Variants in VPS13C observed in about 807,000 individuals in gnomAD.
VPS13C encodes the protein intermembrane lipid transfer protein VPS13C.
In VPS13C, 358 loss-of-function variants were observed where a neutral mutation model predicts 456.8. The observed-to-expected ratio is 0.78, with a 90% CI of 0.72 to 0.86. The LOEUF is 0.86. VPS13C is among the 40% of genes least tolerant of loss of function. VPS13C has a pLI of 0.00. For synonymous variants in VPS13C, 1,578 were observed against 1,486.7 expected, an observed-to-expected ratio of 1.06 and a Z score of -1.41; for missense variants, 4,818 against 4,385.4, an observed-to-expected ratio of 1.10 and a Z score of -2.79.
intron 9 of VPS13C, among the ~76,000 whole-genome samples, chr15:62,015,901 T>G (rs2047224745): frequency 1.6e-5 from 2 of 127,718 alleles, no homozygotes; most frequent in Non-Finnish European, 3.2e-5. Flanking sequence ...ACCTGCACAA[T>G]GTGCACATGT....
intron 1 of VPS13C, among the ~76,000 whole-genome samples, chr15:62,058,937 AAAAAC>A (rs1385003744): frequency 0.013 from 1,926 of 152,028 alleles, 31 homozygotes; most frequent in African/African-American, 0.04. Flanking sequence ...GCCAAAAAAA[AAAAAC>A]AACAACAACA....
At chr15:61,866,328 T>C (rs1894589002) in intron 81 of VPS13C, 1 of 983,564 alleles carries the variant, frequency 1.0e-6, no homozygotes. Flanking sequence ...AGATTATATG[T>C]TCAGACAAAA....
At chr15:61,964,218 A>C (rs1256200105) in intron 31 of VPS13C, among the ~76,000 whole-genome samples, 1 of 152,088 alleles carries the variant, frequency 6.6e-6, no homozygotes, top group African/African-American at 2.4e-5. Context: ...AAAGTTAAAT[A>C]ATGTGTCTAA....
chr15:62,033,482 A>G lies in VPS13C; in HGVS notation c.344T>C (p.Leu115Pro). The G allele has an allele frequency of 1.2e-6, 2 of 1,607,768 alleles. No homozygotes were observed. Among genetic ancestry groups the G allele is most frequent in the South Asian group, 1.1e-5 (1 of 90,240 alleles). Residue 115 changes from leucine to proline, a missense_variant, in exon 5 of 85, where the codon CTA (leucine) becomes CCA (proline). This residue lies in a region of VPS13C where 4,552 missense variants were observed against 4,130.6 expected (regional missense o/e 1.10). Transcript: ENST00000644861. ...TTGAAGGGCTTCTTCAATTCGGGAT[A>G]GCTCTTTCTGTTTAACATCCTGCAA... ...KSLQDVKQKE[L>P]SRIEEALQKA... is the part of the protein sequence containing the mutation.
chr15:61,999,194 T>C (rs2046506386), intron 16 of VPS13C, among the ~76,000 whole-genome samples: 2 of 151,882 alleles, frequency 1.3e-5, no homozygotes, highest in African/African-American at 4.8e-5. Context: ...GCCTGGCCAA[T>C]GTGGTGAAAC....
rs765307232 is a variant in VPS13C, at chr15:61,880,888, A to T, written c.9843T>A (p.Ile3281=). The change falls in exon 72 of 85, where the codon ATT becomes ATA. Residue 3281 remains isoleucine (I), a synonymous_variant. Coordinates refer to ENST00000644861, the MANE Select transcript of VPS13C (RefSeq NM_020821.3). The part of the protein sequence containing the change: ...KIDQGFLGAI[I]ALFTPTTDPE... ...GGTCTGTTGTTGGGGTAAACAGTGC[A>T]ATAATAGCTCCTAGAAACCCTTGAT... is the stretch of plus-strand genomic sequence containing the variant. 1.9e-6 allele frequency: 3 copies of T among 1,610,880 alleles called. No individual in the cohort carries two copies. Among genetic ancestry groups the T allele is most frequent in the Admixed American group, 1.7e-5 (1 of 59,664 alleles).
In VPS13C at chr15:61,913,432, A is replaced by G; in HGVS notation, c.8446-17T>C. On this transcript the variant is annotated splice_polypyrimidine_tract_variant and intron_variant, in intron 61 of 84. Coordinates refer to ENST00000644861, the MANE Select transcript of VPS13C (RefSeq NM_020821.3). The stretch of plus-strand genomic sequence containing the variant: ...TAATTGTACCTATACCAGAGAGCAC[A>G]TATCGTCATATAAGAAATCTAAAAC... 3.2e-6 allele frequency: 5 copies of G among 1,585,352 alleles called. No homozygotes were observed. Among genetic ancestry groups the G allele is most frequent in the South Asian group, 1.1e-5 (1 of 89,620 alleles).
At position 61,991,540 on chromosome 15, in the gene VPS13C, G is replaced by T. The variant is rs115087807; in HGVS notation, c.1483+133C>A. ...AGGAATATTCCAGCCTGATGTATTT[G>T]CTTATATATTTACTATACTGAGGTA... On this transcript the variant is annotated intron_variant, in intron 17 of 84. Coordinates refer to ENST00000644861, the MANE Select transcript of VPS13C (RefSeq NM_020821.3). 2.9e-3 allele frequency: 2,642 copies of T among 910,416 alleles called. 61 individuals carry two copies. The African/African-American group carries it at 0.042, about 14-fold the overall frequency. The allele number at this position is 910,416 out of a possible 1,614,324, so 56.4% of individuals were successfully genotyped here.
At chr15:61,954,881 G>A (rs980006906) in intron 37 of VPS13C, among the ~76,000 whole-genome samples, 1 of 152,138 alleles carries the variant, frequency 6.6e-6, no homozygotes, top group South Asian at 2.1e-4. Context: ...TATTCAAGTA[G>A]AGCAAAGGAC....
chr15:61,942,040 T>C lies in VPS13C; in HGVS notation c.5176A>G (p.Lys1726Glu). The change falls in exon 46 of 85, where the codon AAA becomes GAA. Residue 1726 changes from lysine (K) to glutamate (E), a missense_variant. By Grantham distance (56) the Lys-to-Glu change is moderately conservative. Around this residue, in one of 3 missense-constraint regions of VPS13C, gnomAD observed 4,552 missense variants for 4,130.6 expected, o/e 1.10. Transcript: ENST00000644861. The part of the protein sequence containing the change: ...LNFLNNFQTA[K>E]EALSTATVQA... ...ACTGTGGCTGTACTCAAAGCTTCTT[T>C]AGCAGTTTGGAAATTGTTGAGGAAG... 1.3e-6 allele frequency: 2 copies of C among 1,592,298 alleles called. No individual in the cohort carries two copies. Among genetic ancestry groups the C allele is most frequent in the East Asian group, 2.2e-5 (1 of 44,672 alleles).
intron 56 of VPS13C, 52 bp downstream of exon 56, chr15:61,920,446 T>C (rs769831055): frequency 1.3e-6 from 2 of 1,489,002 alleles, no homozygotes; most frequent in Non-Finnish European, 1.8e-6. Flanking sequence ...AAAAATTATA[T>C]GTTTCATTTT....
At chr15:62,053,510 A>G (rs1169605476) in intron 1 of VPS13C, among the ~76,000 whole-genome samples, 2 of 152,206 alleles carry the variant, frequency 1.3e-5, no homozygotes, top group African/African-American at 4.8e-5. Context: ...ACATTATTTA[A>G]CTACCTTTTC....
In VPS13C at chr15:61,952,601, C is replaced by G. The variant is rs1349979737; in HGVS notation, c.4300-621G>C. 2.6e-5 allele frequency among the ~76,000 whole-genome samples: 4 copies of G among 152,074 alleles called. No homozygotes were observed. In the East Asian group the frequency reaches 5.8e-4, roughly 22 times the overall value. On this transcript the variant is annotated intron_variant, in intron 38 of 84. Coordinates refer to ENST00000644861, the MANE Select transcript of VPS13C (RefSeq NM_020821.3). The stretch of plus-strand genomic sequence containing the variant: ...GTTTCAACTACCAAGGCTTAAAAAC[C>G]TTCATTAACTCTGATATTAACCAGA...
At chr15:61,893,541 C>T (rs1165798142) in intron 66 of VPS13C, among the ~76,000 whole-genome samples, 2 of 150,712 alleles carry the variant, frequency 1.3e-5, no homozygotes, top group African/African-American at 4.9e-5. Flanking sequence ...AATTTGGAGG[C>T]ATATAACTCA....
At chr15:61,952,304 G>C (rs1428843086) in intron 38 of VPS13C, among the ~76,000 whole-genome samples, 1 of 152,152 alleles carries the variant, frequency 6.6e-6, no homozygotes, top group Non-Finnish European at 1.5e-5. Context: ...ATATGAGGCA[G>C]CATCCCTGGC....
At chr15:61,909,232 CAG>C in intron 64 of VPS13C, 107 bp from the exon 65 acceptor site, 1 of 1,398,406 alleles carries the variant, frequency 7.2e-7, no homozygotes, top group Non-Finnish European at 9.7e-7. Flanking sequence ...TTTTTCGAGA[CAG>C]AGTCTTGCTG....
In VPS13C at chr15:61,929,551, G is replaced by A; in HGVS notation, c.6236C>T (p.Thr2079Ile). The A allele has an allele frequency of 6.2e-7, 1 of 1,613,888 alleles. No individual in the cohort carries two copies. Among genetic ancestry groups the A allele is most frequent in the South Asian group, 1.1e-5 (1 of 91,074 alleles). ...GGCAGTCTGTCTTGGTAAAATCTGTGTTTCTTTTGCCACATTTTCTGGACT... is the reference window on the plus strand; with the variant it reads ...GGCAGTCTGTCTTGGTAAAATCTGTATTTCTTTTGCCACATTTTCTGGACT... Reference protein sequence around the residue: ...PQSPENVAKETQILPRQTATG... With the variant: ...PQSPENVAKEIQILPRQTATG... The change falls in exon 51 of 85, where the codon ACA (threonine) becomes ATA (isoleucine). Residue 2079 changes from threonine to isoleucine, a missense_variant. Physicochemically the swap from Thr to Ile is moderately conservative, Grantham distance 89 (BLOSUM62 -1). Transcript: ENST00000644861.
Position 62,010,482 on chromosome 15 carries a change from G to A in VPS13C, c.1001C>T (p.Thr334Ile). Residue 334 changes from threonine to isoleucine, a missense_variant, in exon 13 of 85, where the codon ACC becomes ATC. Thr to Ile is a moderately conservative substitution (Grantham distance 89, BLOSUM62 -1). Around this residue, in one of 3 missense-constraint regions of VPS13C, gnomAD observed 4,552 missense variants for 4,130.6 expected, o/e 1.10. Coordinates refer to ENST00000644861, the MANE Select transcript of VPS13C (RefSeq NM_020821.3). ...CCACATGAATCATACCTGAGGTTTG[G>A]TCAGTTCAATGGCAATATTTTGTAT... Reference protein sequence around the residue: ...IEIQNIAIELTKPQYLSMIDL... With the variant: ...IEIQNIAIELIKPQYLSMIDL... 1 of 1,609,596 alleles carries A rather than the reference G, an allele frequency of 6.2e-7. No homozygotes were observed. Among genetic ancestry groups the A allele is most frequent in the Middle Eastern group, 1.7e-4 (1 of 6,050 alleles).
chr15:61,942,007 C>A lies in VPS13C; in HGVS notation c.5209G>T (p.Ala1737Ser). The change falls in exon 46 of 85, where the codon GCA becomes TCA. Residue 1737 changes from alanine to serine, a missense_variant. Transcript: ENST00000644861. ...TTCATGCTGGAAGCAGCTCTTTCTG[C>A]AGCCTGGACTGTGGCTGTACTCAAA... is the stretch of plus-strand genomic sequence containing the variant. ...EALSTATVQA[A>S]ERAASSMKDL... 1 of 1,613,836 alleles carries A rather than the reference C, an allele frequency of 6.2e-7. No individual in the cohort carries two copies. Among genetic ancestry groups the A allele is most frequent in the Non-Finnish European group, 8.5e-7 (1 of 1,179,774 alleles).
Sources: allele counts gnomAD v4.1 joint callset (sites outside exome capture counted in the v4.1 genomes callset), GRCh38; gene constraint gnomAD v4.1.1; regional missense constraint gnomAD v4.1.1; transcripts MANE v1.5; gene names NCBI Gene and HGNC (gene_info 2026-07-23, HGNC 2026-07-21).